CLSTN2: variants seen among roughly 807,000 people sequenced by gnomAD.
The protein encoded by CLSTN2 is calsyntenin-2.
Under a neutral mutation model 101.2 loss-of-function variants are expected in CLSTN2, and 48 were observed. The ratio of observed to expected loss-of-function variants is 0.47; its 90% CI spans 0.38 to 0.60. The LOEUF (loss-of-function observed/expected upper bound fraction) is 0.60. Among genes scored for constraint, CLSTN2 ranks in the 20% least tolerant of loss-of-function variants. The pLI is 0.00. For synonymous variants in CLSTN2, 481 were observed against 463.6 expected (o/e 1.04, Z -0.48); for missense variants, 1,160 against 1,238.2 (o/e 0.94, Z 0.95).
rs116166819 is a variant in CLSTN2 at position 140,056,598 on chromosome 3, C to T, written c.110-119353C>T. The stretch of plus-strand genomic sequence containing the variant: ...TGAACTGAAGGATAGGGAGCAGCTC[C>T]CAGATAGGAACTGAGAAAGAGTAGA... On this transcript the variant is annotated intron_variant, in intron 1 of 16. Transcript: ENST00000458420. 2.1e-3 allele frequency among the ~76,000 whole-genome samples: 314 copies of T among 152,132 alleles called. 1 individual carries two copies. The highest frequency in any genetic ancestry group is 7.4e-3 in the African/African-American group (306 of 41,506).
intron 8 of CLSTN2, among the ~76,000 whole-genome samples, chr3:140,468,549 C>T (rs1245103798): frequency 2.0e-5 from 3 of 152,154 alleles, no homozygotes; most frequent in African/African-American, 7.2e-5. Context: ...CATTGACTAC[C>T]GTTTATCAAT....
chr3:140,437,070 A>T lies in CLSTN2; in HGVS notation c.788-11449A>T, dbSNP rs1455592746. Among the ~76,000 whole-genome samples, 13 of 130,900 alleles carry T rather than the reference A, an allele frequency of 9.9e-5. No individual in the cohort carries two copies. The East Asian group carries it at 3.2e-3, about 33-fold the overall frequency. The allele number at this position is 130,900 out of a possible 152,430, so 85.9% of individuals were successfully genotyped here. On this transcript the variant is annotated intron_variant, in intron 5 of 16. Coordinates refer to ENST00000458420, the MANE Select transcript of CLSTN2 (RefSeq NM_022131.3). ...GTTTGGTTTTTTTTTTTTTTTTGAGACTGAGTCTTGCTCTGTCGCCCAGGC... is the reference window on the plus strand; with the variant it reads ...GTTTGGTTTTTTTTTTTTTTTTGAGTCTGAGTCTTGCTCTGTCGCCCAGGC...
At chr3:140,130,419 C>T (rs950188752) in intron 1 of CLSTN2, among the ~76,000 whole-genome samples, 13 of 152,268 alleles carry the variant, frequency 8.5e-5, no homozygotes, top group South Asian at 2.1e-4. Flanking sequence ...ATGCACATTC[C>T]GGGAAACCCT....
intron 8 of CLSTN2, among the ~76,000 whole-genome samples, chr3:140,480,102 A>C (rs836222): frequency 6.4e-4 from 93 of 146,074 alleles, no homozygotes; most frequent in African/African-American, 1.2e-3. Context: ...TCCCTCCCCC[A>C]ACCCCACAAC....
intron 1 of CLSTN2, among the ~76,000 whole-genome samples, chr3:139,978,028 A>G (rs1935849763): frequency 6.6e-6 from 1 of 152,180 alleles, no homozygotes. Flanking sequence ...AAGCAGGAAC[A>G]TTCACATCTG....
intron 2 of CLSTN2, among the ~76,000 whole-genome samples, chr3:140,389,014 C>T (rs1045992396): frequency 2.6e-5 from 4 of 152,128 alleles, no homozygotes; most frequent in East Asian, 1.9e-4. Flanking sequence ...TAGATGGAAT[C>T]TTGTGTTTCT....
At chr3:140,385,539 T>G (rs1559855328) in intron 2 of CLSTN2, among the ~76,000 whole-genome samples, 1 of 151,522 alleles carries the variant, frequency 6.6e-6, no homozygotes, top group Non-Finnish European at 1.5e-5. Context: ...TGGCTAATTT[T>G]TTGTTGTTGT....
intron 5 of CLSTN2, among the ~76,000 whole-genome samples, chr3:140,447,674 G>A (rs1436143024): frequency 6.6e-6 from 1 of 152,210 alleles, no homozygotes; most frequent in Non-Finnish European, 1.5e-5. Context: ...GTGACCTCAT[G>A]AGATCCTTGA....
At chr3:139,973,529 GGAGA>G (rs1935753724) in intron 1 of CLSTN2, among the ~76,000 whole-genome samples, 1 of 152,178 alleles carries the variant, frequency 6.6e-6, no homozygotes, top group African/African-American at 2.4e-5. Flanking sequence ...CTGCAACACT[GGAGA>G]CAGGGGTGTG....
In CLSTN2 at chr3:140,318,962, T is replaced by C. The variant is rs372790915; in HGVS notation, c.233-84667T>C. Among the ~76,000 whole-genome samples the C allele has an allele frequency of 1.8e-4, 27 of 152,328 alleles. 1 individual carries two copies. The East Asian group carries it at 3.5e-3, about 20-fold the overall frequency. On this transcript the variant is annotated intron_variant, in intron 2 of 16. Transcript: ENST00000458420. Reference sequence around the variant, plus strand: ...CCTTCAATGAAGGTGAATTGTAAAATTTCTGCATATTACTGTGAGAATCCA... The same window carrying C: ...CCTTCAATGAAGGTGAATTGTAAAACTTCTGCATATTACTGTGAGAATCCA...
intron 2 of CLSTN2, among the ~76,000 whole-genome samples, chr3:140,272,927 T>C (rs1261204577): frequency 1.3e-5 from 2 of 152,160 alleles, no homozygotes; most frequent in African/African-American, 4.8e-5. Context: ...GAAGTAGCTC[T>C]TGCAGTGATT....
intron 1 of CLSTN2, among the ~76,000 whole-genome samples, chr3:140,068,816 A>G (rs73226930): frequency 0.045 from 6,800 of 152,350 alleles, 209 homozygotes; most frequent in Middle Eastern, 0.13. Context: ...TTATGATTGT[A>G]TATATTTAAA....
intron 1 of CLSTN2, among the ~76,000 whole-genome samples, chr3:140,103,981 G>A (rs2009011272): frequency 6.6e-6 from 1 of 152,224 alleles, no homozygotes; most frequent in Non-Finnish European, 1.5e-5. Flanking sequence ...AGAGGGAACT[G>A]TGAAAGCTGA....
chr3:140,547,701 T>G (rs1935623803), intron 10 of CLSTN2, among the ~76,000 whole-genome samples: 1 of 152,104 alleles, frequency 6.6e-6, no homozygotes, highest in Non-Finnish European at 1.5e-5. Context: ...CAGGGTCACT[T>G]TCTAACCTCA....
At chr3:140,438,954 C>T (rs1361950001) in intron 5 of CLSTN2, among the ~76,000 whole-genome samples, 1 of 152,152 alleles carries the variant, frequency 6.6e-6, no homozygotes, top group Non-Finnish European at 1.5e-5. Flanking sequence ...CTTCTGAACA[C>T]CACATAGTTC....
intron 1 of CLSTN2, among the ~76,000 whole-genome samples, chr3:140,008,148 G>T (rs9863029): frequency 6.6e-6 from 1 of 152,118 alleles, no homozygotes; most frequent in Non-Finnish European, 1.5e-5. Context: ...AGAGTGAGTA[G>T]TGTTGGGAGC....
intron 5 of CLSTN2, among the ~76,000 whole-genome samples, chr3:140,426,830 A>G (rs1272920680): frequency 6.6e-6 from 1 of 152,248 alleles, no homozygotes; most frequent in Non-Finnish European, 1.5e-5. Flanking sequence ...ATTTTCTTAT[A>G]TGGTATTTTC....
At chr3:140,433,305 C>T (rs2088654307) in intron 5 of CLSTN2, among the ~76,000 whole-genome samples, 1 of 152,196 alleles carries the variant, frequency 6.6e-6, no homozygotes, top group Non-Finnish European at 1.5e-5. Context: ...TTCAGGATAA[C>T]AAGGTCATTC....
intron 1 of CLSTN2, among the ~76,000 whole-genome samples, chr3:139,991,852 C>G (rs1173351104): frequency 6.6e-6 from 1 of 152,330 alleles, no homozygotes; most frequent in Non-Finnish European, 1.5e-5. Context: ...GCCTCTGTCT[C>G]TCAGGTTTGC....
Sources: allele counts gnomAD v4.1 joint callset (sites outside exome capture counted in the v4.1 genomes callset), GRCh38; gene constraint gnomAD v4.1.1; transcripts MANE v1.5; gene names NCBI Gene and HGNC (gene_info 2026-07-23, HGNC 2026-07-21).